ADORA2B: variants seen among roughly 807,000 people sequenced by gnomAD.
ADORA2B encodes adenosine A2b receptor.
A neutral mutation model predicts 20.8 loss-of-function variants in ADORA2B; 18 were observed. That is an observed-to-expected ratio of 0.87 (90% CI 0.60 to 1.29). The LOEUF is 1.29. Among genes scored for constraint, ADORA2B ranks in the 50% most tolerant of loss-of-function variants. The pLI, the probability that ADORA2B is intolerant of heterozygous loss-of-function variation, is 0.00. For missense variants in ADORA2B, 441 were observed against 422.7 expected, an observed-to-expected ratio of 1.04 and a Z score of -0.38; for synonymous variants, 179 against 178.3, an observed-to-expected ratio of 1.00 and a Z score of -0.03.
At position 15,945,271 on chromosome 17, in the gene ADORA2B, C is replaced by A. The variant is rs759669984; in HGVS notation, c.23C>A (p.Ala8Glu). Residue 8 changes from alanine (A) to glutamate (E), a missense_variant, in exon 1 of 2, where the codon GCG becomes GAG. Ala to Glu is a moderately radical substitution (Grantham distance 107). Coordinates refer to ENST00000304222, the MANE Select transcript of ADORA2B (RefSeq NM_000676.4). MLLETQD[A>E]LYVALELVIA... Reference sequence around the variant, plus strand: ...GCCATGCTGCTGGAGACACAGGACGCGCTGTACGTGGCGCTGGAGCTGGTC... The same window carrying A: ...GCCATGCTGCTGGAGACACAGGACGAGCTGTACGTGGCGCTGGAGCTGGTC... The A allele has an allele frequency of 1.5e-4, 229 of 1,505,344 alleles. No homozygotes were observed. The highest frequency in any genetic ancestry group is 1.8e-4 in the Middle Eastern group (1 of 5,460). 93.2% of individuals were successfully genotyped at this position (1,505,344 alleles called of 1,614,324 possible).
At chr17:15,850,482 T>C in the ADORA2B span, 3 of 152,312 alleles carry the variant, frequency 2.0e-5, no homozygotes, top group Admixed American at 6.5e-5. Context: ...GGAATACTTC[T>C]CAAGTCACCA....
At chr17:15,920,133 G>C in the ADORA2B span, among the ~76,000 whole-genome samples, 1 of 152,120 alleles carries the variant, frequency 6.6e-6, no homozygotes, top group African/African-American at 2.4e-5. Context: ...CTCAAATACT[G>C]AATGTTCTCA....
upstream of ADORA2B, among the ~76,000 whole-genome samples, chr17:15,940,532 T>C (rs1969734676): frequency 6.6e-6 from 1 of 152,196 alleles, no homozygotes; most frequent in Non-Finnish European, 1.5e-5. Context: ...CTGTGACTCC[T>C]GATGTGTGCC....
the ADORA2B span, among the ~76,000 whole-genome samples, chr17:15,871,231 A>C: frequency 6.6e-6 from 1 of 152,132 alleles, no homozygotes; most frequent in Non-Finnish European, 1.5e-5. Flanking sequence ...GACCTGTCAG[A>C]TTGTTCGCAC....
At chr17:15,926,947 G>A in the ADORA2B span, among the ~76,000 whole-genome samples, 9 of 152,106 alleles carry the variant, frequency 5.9e-5, no homozygotes, top group South Asian at 6.2e-4. Context: ...TTCCAGCCTC[G>A]GCAGCAGAGC....
chr17:15,922,731 G>A, the ADORA2B span, among the ~76,000 whole-genome samples: 3 of 152,226 alleles, frequency 2.0e-5, no homozygotes, highest in Admixed American at 2.0e-4. Context: ...GGGTCAAAGA[G>A]TTTATGCTTC....
chr17:15,923,405 A>T, the ADORA2B span, among the ~76,000 whole-genome samples: 709 of 120,442 alleles, frequency 5.9e-3, 2 homozygotes, highest in African/African-American at 0.015. Context: ...ATATATATAT[A>T]TATTTTTTTT....
the ADORA2B span, among the ~76,000 whole-genome samples, chr17:15,929,322 A>T: frequency 6.6e-6 from 1 of 152,210 alleles, no homozygotes; most frequent in African/African-American, 2.4e-5. Flanking sequence ...AACAGGAAAG[A>T]GCCAGGAGCA....
chr17:15,904,097 C>T, the ADORA2B span, among the ~76,000 whole-genome samples: 6,136 of 151,946 alleles, frequency 0.04, 434 homozygotes, highest in African/African-American at 0.14. Flanking sequence ...TTCATTCTCT[C>T]AGCAGAATCT....
At chr17:15,890,675 T>C in the ADORA2B span, among the ~76,000 whole-genome samples, 3 of 152,148 alleles carry the variant, frequency 2.0e-5, no homozygotes, top group Non-Finnish European at 4.4e-5. Flanking sequence ...CCTGCAGTGA[T>C]GGCCAGCTCA....
the ADORA2B span, among the ~76,000 whole-genome samples, chr17:15,911,939 G>A: frequency 7.3e-4 from 111 of 152,234 alleles, no homozygotes; most frequent in Non-Finnish European, 1.3e-3. Context: ...CCAGCTGAGT[G>A]TGATGGCTCA....
chr17:15,868,037 T>C, the ADORA2B span, among the ~76,000 whole-genome samples: 2 of 147,968 alleles, frequency 1.4e-5, no homozygotes, highest in South Asian at 2.1e-4. Flanking sequence ...AGAAAAATTC[T>C]TCTGCCTTGG....
chr17:15,971,724 C>T (rs944894890), intron 1 of ADORA2B, among the ~76,000 whole-genome samples: 1 of 150,734 alleles, frequency 6.6e-6, no homozygotes, highest in Non-Finnish European at 1.5e-5. Flanking sequence ...CCTCTGCCTC[C>T]CAGGTTCAGG....
At chr17:15,889,367 C>T in the ADORA2B span, among the ~76,000 whole-genome samples, 2 of 129,456 alleles carry the variant, frequency 1.5e-5, 1 homozygote, top group Non-Finnish European at 3.3e-5. Flanking sequence ...TTGCTATTTT[C>T]TGTCCTTCCC....
At chr17:15,925,657 T>C in the ADORA2B span, among the ~76,000 whole-genome samples, 1 of 152,182 alleles carries the variant, frequency 6.6e-6, no homozygotes. Context: ...TCTTTCTGCG[T>C]ATTTGAATAA....
chr17:15,939,830 A>G, the ADORA2B span, among the ~76,000 whole-genome samples: 1 of 148,012 alleles, frequency 6.8e-6, no homozygotes, highest in Non-Finnish European at 1.5e-5. Flanking sequence ...ACTGCACTCC[A>G]GCCTGGGTAA....
At chr17:15,866,711 C>T in the ADORA2B span, among the ~76,000 whole-genome samples, 5 of 150,166 alleles carry the variant, frequency 3.3e-5, no homozygotes, top group Non-Finnish European at 5.9e-5. Context: ...CTGCCGCTGC[C>T]GCTGCCTCTG....
the ADORA2B span, among the ~76,000 whole-genome samples, chr17:15,870,001 A>G: frequency 6.6e-6 from 1 of 151,770 alleles, no homozygotes; most frequent in South Asian, 2.1e-4. Context: ...AACTAGATTT[A>G]AGTCTTGAGT....
chr17:15,918,628 C>T, the ADORA2B span, among the ~76,000 whole-genome samples: 4 of 152,092 alleles, frequency 2.6e-5, no homozygotes, highest in African/African-American at 4.8e-5. Flanking sequence ...AGTGCCACCA[C>T]GCCCGTTTGA....
Sources: allele counts gnomAD v4.1 joint callset (sites outside exome capture counted in the v4.1 genomes callset), GRCh38; gene constraint gnomAD v4.1.1; transcripts MANE v1.5; gene names NCBI Gene and HGNC (gene_info 2026-07-23, HGNC 2026-07-21).